Variants in CUX2 observed in about 807,000 individuals in gnomAD.
CUX2 encodes the protein cut like homeobox 2, also known as homeobox protein cut-like 2.
Under a neutral mutation model 144.8 loss-of-function variants are expected in CUX2, and 40 were observed. The observed-to-expected ratio is 0.28, with a 90% CI of 0.21 to 0.36. The LOEUF (loss-of-function observed/expected upper bound fraction) is 0.36. CUX2 is among the 10% of genes least tolerant of loss of function. CUX2 has a pLI of 1.00. For missense variants in CUX2, 1,615 were observed against 1,994.0 expected, an observed-to-expected ratio of 0.81 and a Z score of 3.62; for synonymous variants, 827 against 875.6, an observed-to-expected ratio of 0.94 and a Z score of 0.98.
intron 1 of CUX2, among the ~76,000 whole-genome samples, chr12:111,071,793 T>G (rs1871262511): frequency 6.6e-6 from 1 of 152,216 alleles, no homozygotes; most frequent in African/African-American, 2.4e-5. Context: ...GTAAGGTCTG[T>G]GTCTCTATTG....
intron 1 of CUX2, among the ~76,000 whole-genome samples, chr12:111,125,078 G>T (rs994676078): frequency 2.0e-5 from 3 of 152,046 alleles, no homozygotes; most frequent in African/African-American, 7.3e-5. Flanking sequence ...CCTTCATTTT[G>T]GGGTACCATT....
intron 1 of CUX2, among the ~76,000 whole-genome samples, chr12:111,054,460 A>C (rs1202883002): frequency 6.6e-6 from 1 of 152,240 alleles, no homozygotes; most frequent in African/African-American, 2.4e-5. Flanking sequence ...CAGAATTTAC[A>C]TGACCTTTCA....
chr12:111,038,686 G>C (rs1197534146), intron 1 of CUX2, among the ~76,000 whole-genome samples: 1 of 152,262 alleles, frequency 6.6e-6, no homozygotes, highest in East Asian at 1.9e-4. Flanking sequence ...CAACTTGACA[G>C]AGATTGCTTC....
At position 111,255,721 on chromosome 12, in the gene CUX2, G is replaced by A. The variant is rs1883782368; in HGVS notation, c.223-8040G>A. On this transcript the variant is annotated intron_variant, in intron 3 of 21. Transcript: ENST00000261726. This position sits in a 1 kb window ranked among gnomAD's most constrained non-coding sequence, Gnocchi z 4.1. ...GCAGCGTGATGAGGGTTAAGCTAATGTGCATCCAGTACATAGCACAGTGCC... is the reference window on the plus strand; with the variant it reads ...GCAGCGTGATGAGGGTTAAGCTAATATGCATCCAGTACATAGCACAGTGCC... Among the ~76,000 whole-genome samples the A allele has an allele frequency of 6.6e-6, 1 of 152,232 alleles. No individual in the cohort carries two copies. Among genetic ancestry groups the A allele is most frequent in the South Asian group, 2.1e-4 (1 of 4,832 alleles).
At chr12:111,269,871 C>T (rs1039266135) in intron 4 of CUX2, among the ~76,000 whole-genome samples, 2 of 152,136 alleles carry the variant, frequency 1.3e-5, no homozygotes, top group Non-Finnish European at 2.9e-5. Flanking sequence ...TCCCAACTCT[C>T]CTCCCCAGAA....
At chr12:111,216,182 A>G (rs149560450) in intron 2 of CUX2, among the ~76,000 whole-genome samples, 2 of 152,316 alleles carry the variant, frequency 1.3e-5, no homozygotes, top group East Asian at 1.9e-4. Flanking sequence ...CAGAATGCTC[A>G]GATACTTGAG....
chr12:111,149,628 C>T (rs1025263316), intron 1 of CUX2, among the ~76,000 whole-genome samples: 2 of 152,242 alleles, frequency 1.3e-5, no homozygotes, highest in Admixed American at 6.5e-5. Context: ...CCTGGCAGTA[C>T]GGAGGATATT....
intron 1 of CUX2, among the ~76,000 whole-genome samples, chr12:111,172,322 TCAG>T (rs948291367): frequency 2.0e-5 from 3 of 152,194 alleles, no homozygotes; most frequent in African/African-American, 7.2e-5. Context: ...ATTTAAAAAA[TCAG>T]CAGGGTTGAG....
intron 8 of CUX2, 51 bp from the exon 9 acceptor site, chr12:111,298,490 G>A: frequency 1.3e-6 from 2 of 1,542,184 alleles, no homozygotes; most frequent in East Asian, 2.4e-5. Context: ...AGGGGCGGGG[G>A]CCTGGAGCCC....
chr12:111,178,272 C>A lies in CUX2; in HGVS notation c.64-35928C>A, dbSNP rs1228474020. On this transcript the variant is annotated intron_variant, in intron 1 of 21. Transcript: ENST00000261726. The surrounding 1 kb of genome is among the most constrained non-coding windows in gnomAD (Gnocchi z 5.7). ...TGTAATAAATCTTGCCCCGAAATCT[C>A]GGCAGCACATCTTGGCTGGAGTGTA... Among the ~76,000 whole-genome samples the A allele has an allele frequency of 1.3e-5, 2 of 152,256 alleles. No homozygotes were observed.
chr12:111,056,284 G>A (rs184828291), intron 1 of CUX2, among the ~76,000 whole-genome samples: 1 of 152,304 alleles, frequency 6.6e-6, no homozygotes, highest in African/African-American at 2.4e-5. Context: ...AAACTTAGTG[G>A]ACAGAAACAA....
In CUX2 at chr12:111,035,420, G is replaced by T. The variant is rs965093767; in HGVS notation, c.63+1180G>T. Among the ~76,000 whole-genome samples, 2 of 151,970 alleles carry T rather than the reference G, an allele frequency of 1.3e-5. No individual in the cohort carries two copies. Among genetic ancestry groups the T allele is most frequent in the Non-Finnish European group, 2.9e-5 (2 of 67,996 alleles). Reference sequence around the variant, plus strand: ...CCGTGGAGGCGCGGCTCCGGCCTCTGTTCTTTCCCGGAGTGCCCCGGACGC... The same window carrying T: ...CCGTGGAGGCGCGGCTCCGGCCTCTTTTCTTTCCCGGAGTGCCCCGGACGC... On this transcript the variant is annotated intron_variant, in intron 1 of 21. Coordinates refer to ENST00000261726, the MANE Select transcript of CUX2 (RefSeq NM_015267.4). The surrounding 1 kb of genome is among the most constrained non-coding windows in gnomAD (Gnocchi z 6.0).
intron 1 of CUX2, among the ~76,000 whole-genome samples, chr12:111,081,160 G>A (rs957805242): frequency 7.2e-5 from 11 of 152,300 alleles, no homozygotes; most frequent in Admixed American, 4.6e-4. Flanking sequence ...GTGGTGGGAG[G>A]ATTGATCTTT....
intron 4 of CUX2, among the ~76,000 whole-genome samples, chr12:111,280,690 A>G (rs1362440969): frequency 6.6e-6 from 1 of 151,636 alleles, no homozygotes; most frequent in Non-Finnish European, 1.5e-5. Context: ...AATCCTTGGC[A>G]CTCCTCGGCT....
intron 1 of CUX2, among the ~76,000 whole-genome samples, chr12:111,209,061 G>A (rs79724556): frequency 1.3e-5 from 2 of 152,114 alleles, no homozygotes; most frequent in African/African-American, 2.4e-5. Flanking sequence ...TTACTTTTAG[G>A]GGGTACTGAC....
chr12:111,210,566 G>C (rs960866547), intron 1 of CUX2, among the ~76,000 whole-genome samples: 1 of 152,142 alleles, frequency 6.6e-6, no homozygotes, highest in African/African-American at 2.4e-5. Flanking sequence ...GGCCACAGCA[G>C]GTGGATTGCT....
chr12:111,157,076 A>C (rs1032500618), intron 1 of CUX2, among the ~76,000 whole-genome samples: 4 of 151,130 alleles, frequency 2.6e-5, no homozygotes, highest in Non-Finnish European at 2.9e-5. Flanking sequence ...TAAGCTGATC[A>C]AGGGGGCTAC....
chr12:111,315,283 G>A (rs1021979915), intron 16 of CUX2, among the ~76,000 whole-genome samples: 2 of 152,190 alleles, frequency 1.3e-5, no homozygotes, highest in African/African-American at 2.4e-5. Context: ...TTATATATAA[G>A]CTGTTCCATC....
chr12:111,283,881 T>C (rs1326722583), intron 4 of CUX2, among the ~76,000 whole-genome samples: 1 of 152,122 alleles, frequency 6.6e-6, no homozygotes, highest in Non-Finnish European at 1.5e-5. Flanking sequence ...GTGGTATGTT[T>C]TTAATGGCAG....
Sources: allele counts gnomAD v4.1 joint callset (sites outside exome capture counted in the v4.1 genomes callset), GRCh38; gene constraint gnomAD v4.1.1; non-coding constraint Gnocchi (gnomAD v3.1); transcripts MANE v1.5; gene names NCBI Gene and HGNC (gene_info 2026-07-23, HGNC 2026-07-21).